LRP1B: variants seen among roughly 807,000 people sequenced by gnomAD.
LRP1B encodes the protein LDL receptor related protein 1B, also known as low-density lipoprotein receptor-related protein 1B.
A neutral mutation model predicts 556.6 loss-of-function variants in LRP1B; 217 were observed. The ratio of observed to expected loss-of-function variants is 0.39; its 90% CI spans 0.35 to 0.44. LRP1B has a LOEUF of 0.44. Ranked by LOEUF, LRP1B falls within the 20% of genes least tolerant of loss-of-function variation. The pLI is 1.00. For missense variants in LRP1B, 5,053 were observed against 5,620.8 expected (o/e 0.90, Z 3.23); for synonymous variants, 2,047 against 1,865.8 (o/e 1.10, Z -2.50).
At chr2:141,537,598 AT>A (rs2105203221) in intron 2 of LRP1B, among the ~76,000 whole-genome samples, 1 of 152,226 alleles carries the variant, frequency 6.6e-6, no homozygotes, top group South Asian at 2.1e-4. Context: ...TTGAATTTCT[AT>A]TTCCTCAATT....
chr2:141,408,877 T>C (rs1401863594), intron 3 of LRP1B, among the ~76,000 whole-genome samples: 4 of 152,232 alleles, frequency 2.6e-5, no homozygotes, highest in African/African-American at 9.6e-5. Context: ...TCCATGAGAT[T>C]TATGTGTGTA....
chr2:140,611,516 A>G (rs1179643473), intron 41 of LRP1B, among the ~76,000 whole-genome samples: 1 of 152,160 alleles, frequency 6.6e-6, no homozygotes, highest in Non-Finnish European at 1.5e-5. Context: ...AAGAAAACAG[A>G]AAAAGGCTAT....
chr2:140,731,770 A>AGCC (rs1408562343), intron 35 of LRP1B, among the ~76,000 whole-genome samples: 2 of 150,266 alleles, frequency 1.3e-5, no homozygotes, highest in Non-Finnish European at 3.0e-5. Context: ...CCGTCAAAAA[A>AGCC]AAAAAAAAAA....
At chr2:141,565,770 C>A (rs910972715) in intron 2 of LRP1B, among the ~76,000 whole-genome samples, 2 of 152,220 alleles carry the variant, frequency 1.3e-5, no homozygotes, top group Non-Finnish European at 2.9e-5. Flanking sequence ...AAGAGGTACA[C>A]TGTTTGTATA....
chr2:141,987,362 G>A (rs1474292828), intron 1 of LRP1B, among the ~76,000 whole-genome samples: 2 of 151,702 alleles, frequency 1.3e-5, no homozygotes, highest in African/African-American at 2.4e-5. Context: ...TACCTTTTTT[G>A]CATCTTAAGC....
intron 7 of LRP1B, among the ~76,000 whole-genome samples, chr2:141,103,482 A>T (rs1700517314): frequency 7.2e-6 from 1 of 139,066 alleles, no homozygotes; most frequent in African/African-American, 2.7e-5. Context: ...TTAAATTGGG[A>T]TATAAGTACA....
chr2:140,455,429 A>G (rs1489219197), intron 62 of LRP1B, among the ~76,000 whole-genome samples: 2 of 152,182 alleles, frequency 1.3e-5, no homozygotes, highest in Non-Finnish European at 2.9e-5. Flanking sequence ...TTTAATCTGT[A>G]TATGGCATAG....
chr2:141,394,478 A>C (rs573823350), intron 3 of LRP1B, among the ~76,000 whole-genome samples: 1 of 152,230 alleles, frequency 6.6e-6, no homozygotes, highest in South Asian at 2.1e-4. Flanking sequence ...TATGTTAAAA[A>C]AAATCTTTTG....
intron 41 of LRP1B, among the ~76,000 whole-genome samples, chr2:140,666,326 A>ACCACAC (rs534329708): frequency 0.13 from 15,759 of 123,294 alleles, 961 homozygotes; most frequent in East Asian, 0.28. Context: ...ACACACACAC[A>ACCACAC]CACACCACAC....
chr2:140,739,117 A>C (rs1688048123), intron 35 of LRP1B, among the ~76,000 whole-genome samples: 1 of 152,196 alleles, frequency 6.6e-6, no homozygotes, highest in Non-Finnish European at 1.5e-5. Flanking sequence ...TAAGTCCCAT[A>C]GTATAATCAT....
chr2:141,347,818 A>T lies in LRP1B; in HGVS notation c.344-93177T>A, dbSNP rs191864944. Among the ~76,000 whole-genome samples the T allele has an allele frequency of 6.6e-5, 10 of 152,202 alleles. No homozygotes were observed. In the East Asian group the frequency reaches 1.9e-3, roughly 29 times the overall value. On this transcript the variant is annotated intron_variant, in intron 3 of 90. Coordinates refer to ENST00000389484, the MANE Select transcript of LRP1B (RefSeq NM_018557.3). ...AGGATCTAGCAACATTTTTGTCATTATAACAAAGTATGTATTATTAAAAAC... is the reference window on the plus strand; with the variant it reads ...AGGATCTAGCAACATTTTTGTCATTTTAACAAAGTATGTATTATTAAAAAC...
chr2:140,870,626 C>A (rs1693099259), intron 25 of LRP1B, among the ~76,000 whole-genome samples: 2 of 152,044 alleles, frequency 1.3e-5, no homozygotes, highest in South Asian at 2.1e-4. Context: ...AGTAATGTTG[C>A]AGTACATTTT....
At chr2:140,727,368 C>A (rs896281725) in intron 35 of LRP1B, among the ~76,000 whole-genome samples, 1 of 152,098 alleles carries the variant, frequency 6.6e-6, no homozygotes, top group Non-Finnish European at 1.5e-5. Context: ...GCCTTTCTTC[C>A]CTGAGGATCA....
At chr2:141,927,286 A>G (rs1700359866) in intron 1 of LRP1B, among the ~76,000 whole-genome samples, 1 of 152,148 alleles carries the variant, frequency 6.6e-6, no homozygotes, top group Non-Finnish European at 1.5e-5. Context: ...AATGTTGTGA[A>G]TTTTGAGAAC....
intron 7 of LRP1B, among the ~76,000 whole-genome samples, chr2:141,073,457 A>G (rs1699700100): frequency 6.6e-6 from 1 of 151,932 alleles, no homozygotes; most frequent in African/African-American, 2.4e-5. Context: ...CCAGAATTCT[A>G]CTAATGGAGT....
intron 3 of LRP1B, among the ~76,000 whole-genome samples, chr2:141,337,262 TC>T (rs1175242549): frequency 6.6e-6 from 1 of 152,236 alleles, no homozygotes; most frequent in African/African-American, 2.4e-5. Context: ...TGGTATGTCA[TC>T]CTGTTTTTAT....
At chr2:141,371,617 A>T (rs902197823) in intron 3 of LRP1B, among the ~76,000 whole-genome samples, 1 of 151,806 alleles carries the variant, frequency 6.6e-6, no homozygotes, top group Non-Finnish European at 1.5e-5. Context: ...TTACAAGGTA[A>T]TTTTTTAATA....
chr2:140,927,175 C>T (rs908756058), intron 20 of LRP1B, among the ~76,000 whole-genome samples: 2 of 151,988 alleles, frequency 1.3e-5, no homozygotes, highest in African/African-American at 2.4e-5. Flanking sequence ...TGTGGTGGCT[C>T]ATGCCTGTGA....
At chr2:141,392,967 T>C (rs563215689) in intron 3 of LRP1B, among the ~76,000 whole-genome samples, 24 of 152,132 alleles carry the variant, frequency 1.6e-4, no homozygotes, top group Non-Finnish European at 2.8e-4. Flanking sequence ...CAGACTTAGG[T>C]TCAGATCTTT....
Sources: allele counts gnomAD v4.1 joint callset (sites outside exome capture counted in the v4.1 genomes callset), GRCh38; gene constraint gnomAD v4.1.1; transcripts MANE v1.5; gene names NCBI Gene and HGNC (gene_info 2026-07-23, HGNC 2026-07-21).